DIRAS2: variants seen among roughly 807,000 people sequenced by gnomAD.
The protein encoded by DIRAS2 is DIRAS family GTPase 2.
In DIRAS2, 5 loss-of-function variants were observed where a neutral mutation model predicts 13.9. The observed-to-expected ratio is 0.36, with a 90% CI of 0.19 to 0.76. DIRAS2 has a LOEUF of 0.76. Among genes scored for constraint, DIRAS2 ranks in the 30% least tolerant of loss-of-function variants. The probability of loss-of-function intolerance (pLI) is 0.53; values close to 1 mark genes in which losing one functional copy is unlikely to be tolerated. For missense variants in DIRAS2, 191 were observed against 263.0 expected (o/e 0.73, Z 1.89); for synonymous variants, 111 against 105.4 (o/e 1.05, Z -0.33).
At chr9:90,617,129 G>A (rs900128592) in intron 1 of DIRAS2, among the ~76,000 whole-genome samples, 1 of 152,244 alleles carries the variant, frequency 6.6e-6, no homozygotes, top group Non-Finnish European at 1.5e-5. Context: ...GACAGCTTGT[G>A]TAAACTGGCA....
intron 1 of DIRAS2, among the ~76,000 whole-genome samples, chr9:90,616,873 G>C (rs964844471): frequency 1.3e-5 from 2 of 152,062 alleles, no homozygotes; most frequent in African/African-American, 4.8e-5. Flanking sequence ...CACAGCATTA[G>C]AGGGGGGACA....
rs1825102210 is a variant in DIRAS2 at position 90,610,560 on chromosome 9, A to G, written c.*2668T>C. 2 of 396,878 alleles carry G rather than the reference A, an allele frequency of 5.0e-6. No individual in the cohort carries two copies. The highest frequency in any genetic ancestry group is 8.9e-6 in the Non-Finnish European group (2 of 225,212). 24.6% of individuals were successfully genotyped at this position (396,878 alleles called of 1,614,324 possible). ...GCCTGGGTCAAAAACTGCTATGCCC[A>G]TATGCAATGTAGGATGTGTTTTCAA... is the stretch of plus-strand genomic sequence containing the variant. On this transcript the variant is annotated 3_prime_UTR_variant, in exon 2 of 2. Transcript: ENST00000375765.
intron 1 of DIRAS2, among the ~76,000 whole-genome samples, chr9:90,619,007 C>T (rs541039320): frequency 1.2e-4 from 18 of 152,040 alleles, no homozygotes; most frequent in South Asian, 4.1e-4. Flanking sequence ...GGCATGGTGG[C>T]GCATGCTTAT....
At chr9:90,618,063 C>T (rs1021690155) in intron 1 of DIRAS2, among the ~76,000 whole-genome samples, 1 of 152,076 alleles carries the variant, frequency 6.6e-6, no homozygotes, top group Non-Finnish European at 1.5e-5. Context: ...ACTGACAAAC[C>T]GATCCCAAAA....
chr9:90,639,315 A>G (rs690494), intron 1 of DIRAS2, among the ~76,000 whole-genome samples: 21,433 of 152,166 alleles, frequency 0.14, 1,919 homozygotes, highest in East Asian at 0.3. Flanking sequence ...AAAGCATGAG[A>G]TTTCACCCTA....
rs1172661795 is a variant in DIRAS2, at chr9:90,636,027, CTTTTTTTTTTTTTTT to C, written c.-37+6710_-37+6724del. Among the ~76,000 whole-genome samples, 203 of 66,266 alleles carry C rather than the reference CTTTTTTTTTTTTTTT, an allele frequency of 3.1e-3. 6 individuals carry two copies. Among genetic ancestry groups the C allele is most frequent in the Non-Finnish European group, 2.3e-3 (85 of 37,270 alleles). The allele number at this position is 66,266 out of a possible 152,430, so 43.5% of individuals were successfully genotyped here. A position where few individuals can be genotyped will look rare whatever the true frequency, so the allele number is the denominator to read the frequency against. The stretch of plus-strand genomic sequence containing the variant: ...AGGATAGAGAATACAACTGAATATT[CTTTTTTTTTTTTTTT>C]TTTTTTTTTTTTTGAGACAGAGTCT... On this transcript the variant is annotated intron_variant, in intron 1 of 1. Coordinates refer to ENST00000375765, the MANE Select transcript of DIRAS2 (RefSeq NM_017594.5).
chr9:90,613,768 C>A lies in DIRAS2; in HGVS notation c.60G>T (p.Lys20Asn). ...TCACAAACCTCAACACCAGGGAGCTCTTGCCAACACCGCCAGCCCCAAACA... is the reference window on the plus strand; with the variant it reads ...TCACAAACCTCAACACCAGGGAGCTATTGCCAACACCGCCAGCCCCAAACA... ...VAVFGAGGVG[K>N]SSLVLRFVKG... The change falls in exon 2 of 2, where the codon AAG becomes AAT. Residue 20 changes from lysine to asparagine, a missense_variant. Coordinates refer to ENST00000375765, the MANE Select transcript of DIRAS2 (RefSeq NM_017594.5). This position sits in a 1 kb window ranked among gnomAD's most constrained non-coding sequence, Gnocchi z 5.6. 6.2e-7 allele frequency: 1 copy of A among 1,614,184 alleles called. No homozygotes were observed. The highest frequency in any genetic ancestry group is 8.5e-7 in the Non-Finnish European group (1 of 1,180,032).
chr9:90,629,162 A>G (rs1045187879), intron 1 of DIRAS2, among the ~76,000 whole-genome samples: 8 of 152,204 alleles, frequency 5.3e-5, no homozygotes, highest in African/African-American at 1.9e-4. Context: ...CCAAAAATAT[A>G]TTACTTAAAA....
chr9:90,619,096 A>G (rs1321214054), intron 1 of DIRAS2, among the ~76,000 whole-genome samples: 2 of 151,432 alleles, frequency 1.3e-5, no homozygotes, highest in East Asian at 3.9e-4. Context: ...CCAAGATCTC[A>G]CCACTGCACT....
At chr9:90,639,407 A>G (rs548807464) in intron 1 of DIRAS2, among the ~76,000 whole-genome samples, 15 of 152,376 alleles carry the variant, frequency 9.8e-5, no homozygotes, top group African/African-American at 3.6e-4. Flanking sequence ...GATCTGTGAA[A>G]TATATTTTAT....
chr9:90,638,303 T>TA (rs992027796), intron 1 of DIRAS2, among the ~76,000 whole-genome samples: 8 of 152,226 alleles, frequency 5.3e-5, no homozygotes, highest in African/African-American at 7.2e-5. Flanking sequence ...CTGGCAAAAT[T>TA]AAAAAAATAG....
intron 1 of DIRAS2, among the ~76,000 whole-genome samples, chr9:90,625,360 C>T (rs1825258607): frequency 6.6e-6 from 1 of 152,170 alleles, no homozygotes; most frequent in African/African-American, 2.4e-5. Flanking sequence ...TATTTTGTTT[C>T]TCATGCTTTT....
intron 1 of DIRAS2, among the ~76,000 whole-genome samples, chr9:90,636,074 G>A (rs553094521): frequency 1.8e-5 from 2 of 113,388 alleles, no homozygotes; most frequent in South Asian, 6.0e-4. Flanking sequence ...GTCTCGCTCC[G>A]TCACTCAGGC....
rs180698024 is a variant in DIRAS2, at chr9:90,618,522, G to T, written c.-36-4659C>A. ...GAGTAAACAGTGTTTTCTTAGATGT[G>T]ACACCAAAAGTATGAGCAACAAGAT... On this transcript the variant is annotated intron_variant, in intron 1 of 1. Transcript: ENST00000375765. 2.2e-3 allele frequency among the ~76,000 whole-genome samples: 335 copies of T among 152,278 alleles called. 1 individual carries two copies. Among genetic ancestry groups the T allele is most frequent in the African/African-American group, 7.4e-3 (309 of 41,550 alleles).
At chr9:90,620,885 CATT>C (rs1282986380) in intron 1 of DIRAS2, among the ~76,000 whole-genome samples, 23 of 152,234 alleles carry the variant, frequency 1.5e-4, no homozygotes, top group South Asian at 6.2e-4. Flanking sequence ...CAGATGTTAA[CATT>C]GTTGTTATAT....
intron 1 of DIRAS2, among the ~76,000 whole-genome samples, chr9:90,641,293 T>C (rs1825416673): frequency 6.6e-6 from 1 of 152,192 alleles, no homozygotes; most frequent in South Asian, 2.1e-4. Context: ...GTTTCTACAA[T>C]AACCATGAAC....
At position 90,636,010 on chromosome 9, in the gene DIRAS2, G is replaced by A. The variant is rs1056872016; in HGVS notation, c.-37+6742C>T. Among the ~76,000 whole-genome samples, 18 of 136,692 alleles carry A rather than the reference G, an allele frequency of 1.3e-4. No homozygotes were observed. The East Asian group carries it at 4.2e-3, about 32-fold the overall frequency. The allele number at this position is 136,692 out of a possible 152,430, so 89.7% of individuals were successfully genotyped here. Reference sequence around the variant, plus strand: ...ATCTGGAATTGTCCTAAAGGATAGAGAATACAACTGAATATTCTTTTTTTT... The same window carrying A: ...ATCTGGAATTGTCCTAAAGGATAGAAAATACAACTGAATATTCTTTTTTTT... On this transcript the variant is annotated intron_variant, in intron 1 of 1. Transcript: ENST00000375765.
Position 90,613,800 on chromosome 9 carries a change from C to T in DIRAS2, c.28G>A (p.Val10Met), listed in dbSNP as rs1435305252. The T allele has an allele frequency of 3.7e-6, 6 of 1,613,636 alleles. No homozygotes were observed. The highest frequency in any genetic ancestry group is 5.1e-6 in the Non-Finnish European group (6 of 1,179,786). The stretch of plus-strand genomic sequence containing the variant: ...ACACCGCCAGCCCCAAACACGGCCA[C>T]CCGGTAATCGTTACTCTGCTCAGGC... MPEQSNDYR[V>M]AVFGAGGVGK... The change falls in exon 2 of 2, where the codon GTG (valine) becomes ATG (methionine). Residue 10 changes from valine (V) to methionine (M), a missense_variant. Coordinates refer to ENST00000375765, the MANE Select transcript of DIRAS2 (RefSeq NM_017594.5). This position sits in a 1 kb window ranked among gnomAD's most constrained non-coding sequence, Gnocchi z 5.6.
At chr9:90,622,931 A>G (rs574548611) in intron 1 of DIRAS2, among the ~76,000 whole-genome samples, 44 of 152,248 alleles carry the variant, frequency 2.9e-4, no homozygotes, top group Non-Finnish European at 5.6e-4. Context: ...TCCAACCCCT[A>G]TATCTTTTCT....
Sources: allele counts gnomAD v4.1 joint callset (sites outside exome capture counted in the v4.1 genomes callset), GRCh38; gene constraint gnomAD v4.1.1; non-coding constraint Gnocchi (gnomAD v3.1); transcripts MANE v1.5; gene names NCBI Gene and HGNC (gene_info 2026-07-23, HGNC 2026-07-21).